Variants in SFTPD observed in about 807,000 individuals in gnomAD.
SFTPD encodes the protein surfactant protein D, also known as pulmonary surfactant-associated protein D.
In SFTPD, 18 loss-of-function variants were observed where a neutral mutation model predicts 34.6. That is an observed-to-expected ratio of 0.52 (90% confidence interval 0.36 to 0.77). SFTPD has a LOEUF of 0.77. Among genes scored for constraint, SFTPD ranks in the 30% least tolerant of loss-of-function variants. The pLI, the probability that SFTPD is intolerant of heterozygous loss-of-function variation, is 0.00. For synonymous variants in SFTPD, 155 were observed against 180.9 expected (o/e 0.86, Z 1.15); for missense variants, 433 against 468.9 (o/e 0.92, Z 0.71).
chr10:79,971,644 T>C (rs1224682457), intron 1 of SFTPD: 2 of 152,226 alleles, frequency 1.3e-5, no homozygotes, highest in Non-Finnish European at 2.9e-5. Context: ...TATTGGCATA[T>C]AGTTGCTCAT....
intron 2 of SFTPD, among the ~76,000 whole-genome samples, chr10:79,943,624 G>T (rs1014435894): frequency 6.6e-6 from 1 of 152,186 alleles, no homozygotes; most frequent in Non-Finnish European, 1.5e-5. Context: ...CATGGGGGGT[G>T]AGCATGTGGT....
At chr10:79,976,870 T>A (rs921475262) in intron 1 of SFTPD, among the ~76,000 whole-genome samples, 6 of 152,304 alleles carry the variant, frequency 3.9e-5, no homozygotes, top group African/African-American at 1.4e-4. Context: ...AATTGAATCA[T>A]GAGGGCTGGT....
At chr10:79,949,756 C>G (rs142800804), upstream of SFTPD, among the ~76,000 whole-genome samples, 33 of 152,288 alleles carry the variant, frequency 2.2e-4, no homozygotes, top group African/African-American at 7.0e-4. Context: ...GGCTTGTTCT[C>G]CCTGCCATCT....
intron 1 of SFTPD, among the ~76,000 whole-genome samples, chr10:79,963,853 T>C (rs1021832649): frequency 6.6e-6 from 1 of 152,202 alleles, no homozygotes; most frequent in Non-Finnish European, 1.5e-5. Context: ...ATTTCATTCT[T>C]TTTTATTGCT....
In SFTPD at chr10:79,941,966, T is replaced by C. The variant is rs2243639; in HGVS notation, c.538A>G (p.Thr180Ala). ...TTCCACTGCTCACCTGCTGCCCCTGTGTTTCCAGGGACTCCACGCTCACCA... is the reference window on the plus strand; with the variant it reads ...TTCCACTGCTCACCTGCTGCCCCTGCGTTTCCAGGGACTCCACGCTCACCA... Reference protein sequence around the residue: ...VPGERGVPGNTGAAGSAGAMG... With the variant: ...VPGERGVPGNAGAAGSAGAMG... Residue 180 changes from threonine (T) to alanine (A), a missense_variant, in exon 5 of 8, where the codon ACA (threonine) becomes GCA (alanine). Thr to Ala is a moderately conservative substitution (Grantham distance 58). Transcript: ENST00000372292. The C allele has an allele frequency of 0.63, 1,013,063 of 1,605,800 alleles. 325,312 individuals carry two copies. The highest frequency in any genetic ancestry group is 0.93 in the African/African-American group (69,896 of 74,828).
At chr10:79,961,675 A>G (rs141556708) in intron 1 of SFTPD, among the ~76,000 whole-genome samples, 7,930 of 152,244 alleles carry the variant, frequency 0.052, 296 homozygotes, top group East Asian at 0.15. Context: ...GAGAAATAGG[A>G]ACACTTTTAC....
At chr10:79,968,172 G>A (rs1200709031) in intron 1 of SFTPD, 1 of 151,930 alleles carries the variant, frequency 6.6e-6, no homozygotes, top group Non-Finnish European at 1.5e-5. Context: ...ATTTCCCTTT[G>A]TTGGGAATTT....
intron 1 of SFTPD, among the ~76,000 whole-genome samples, chr10:79,974,030 A>T (rs4466774): frequency 0.078 from 11,884 of 152,276 alleles, 914 homozygotes; most frequent in East Asian, 0.39. Flanking sequence ...ACAGACAGAC[A>T]GACACACACC....
At chr10:79,948,453 G>A (rs1158334536) in intron 1 of SFTPD, among the ~76,000 whole-genome samples, 2 of 152,218 alleles carry the variant, frequency 1.3e-5, no homozygotes, top group African/African-American at 4.8e-5. Flanking sequence ...AGCAGATGGA[G>A]TGGGCAGAGT....
chr10:79,954,340 C>A (rs948627887), intron 1 of SFTPD, among the ~76,000 whole-genome samples: 1 of 152,168 alleles, frequency 6.6e-6, no homozygotes, highest in Non-Finnish European at 1.5e-5. Context: ...GCAGACAACC[C>A]GCTGTTGGTG....
In SFTPD at chr10:79,966,642, A is replaced by T. The variant is rs1438883249; in HGVS notation, c.36+15933T>A. Among the ~76,000 whole-genome samples, 17 of 147,054 alleles carry T rather than the reference A, an allele frequency of 1.2e-4. 2 individuals carry two copies. The highest frequency in any genetic ancestry group is 1.8e-4 in the Non-Finnish European group (12 of 67,606). ...GTTGCCATTGCTTTTGATGTTTTGG[A>T]CATGAAGTCCTTGCCCATGCCTATG... On this transcript the variant is annotated intron_variant, in intron 1 of 5. Transcript: ENST00000444384.
chr10:79,954,095 G>C (rs1231292297), upstream of SFTPD, among the ~76,000 whole-genome samples: 1 of 151,138 alleles, frequency 6.6e-6, no homozygotes, highest in East Asian at 1.9e-4. Flanking sequence ...GCCTTTCTGT[G>C]TTCTCCTGTA....
chr10:79,955,359 G>A (rs1437499431), intron 1 of SFTPD, among the ~76,000 whole-genome samples: 2 of 152,086 alleles, frequency 1.3e-5, no homozygotes, highest in African/African-American at 4.8e-5. Flanking sequence ...GTTTTGAAGA[G>A]TAAGGTTTTA....
intron 1 of SFTPD, chr10:79,982,010 A>G (rs1016003916): frequency 5.2e-5 from 15 of 288,464 alleles, no homozygotes; most frequent in Non-Finnish European, 6.4e-5. Flanking sequence ...CTCCCCAGGA[A>G]GAGCGCGCCG....
At position 79,938,130 on chromosome 10, in the gene SFTPD, C is replaced by A; in HGVS notation, c.850G>T (p.Ala284Ser). 1.2e-6 allele frequency: 2 copies of A among 1,613,962 alleles called. No individual in the cohort carries two copies. The highest frequency in any genetic ancestry group is 2.2e-5 in the South Asian group (2 of 91,082). The change falls in exon 8 of 8, where the codon GCT becomes TCT. Residue 284 changes from alanine (A) to serine (S), a missense_variant. Transcript: ENST00000372292. The stretch of plus-strand genomic sequence containing the variant: ...CGTGGAGAGGCCAACTGTCCACCAG[C>A]CTGTGTGCACAGCAGCTGTGCCTCC... ...FTEAQLLCTQ[A>S]GGQLASPRSA...
intron 1 of SFTPD, among the ~76,000 whole-genome samples, chr10:79,980,252 A>T (rs1478778087): frequency 6.6e-6 from 1 of 152,070 alleles, no homozygotes; most frequent in Non-Finnish European, 1.5e-5. Context: ...AGGGAAAAGT[A>T]AAAAGGACTT....
At chr10:79,948,971 C>G (rs192418996) in intron 1 of SFTPD, 95 bp downstream of exon 1, 2 of 152,222 alleles carry the variant, frequency 1.3e-5, no homozygotes, top group African/African-American at 4.8e-5. Context: ...GCTACACAGA[C>G]CCTCCACACC....
intron 1 of SFTPD, among the ~76,000 whole-genome samples, chr10:79,961,648 G>A (rs1408027802): frequency 6.6e-6 from 1 of 152,138 alleles, no homozygotes; most frequent in Non-Finnish European, 1.5e-5. Context: ...GAAACAACAG[G>A]TGCTGGAGAG....
Position 79,981,982 on chromosome 10 carries a change from G to GCCGCCAGCCTCGCCCACCTC in SFTPD, c.36+573_36+592dup. ...TCCTTGTCTCCCGTGCCCGCGTCAG[G>GCCGCCAGCCTCGCCCACCTC]CCGCCAGCCTCGCCCACCTCCCCAG... On this transcript the variant is annotated intron_variant, in intron 1 of 5. Coordinates refer to the SFTPD transcript ENST00000444384. The GCCGCCAGCCTCGCCCACCTC allele has an allele frequency of 9.8e-6, 3 of 305,768 alleles. No homozygotes were observed. In the South Asian group the frequency reaches 1.1e-4, roughly 12 times the overall value. 18.9% of individuals were successfully genotyped at this position (305,768 alleles called of 1,614,324 possible).
Sources: gnomAD v4.1 joint callset for allele counts (sites outside exome capture counted in the v4.1 genomes callset) on GRCh38, gnomAD v4.1.1 for gene constraint, MANE v1.5 for transcripts, NCBI Gene and HGNC (gene_info 2026-07-23, HGNC 2026-07-21) for gene names.